GUCY1A2: variants seen among roughly 807,000 people sequenced by gnomAD.
The protein encoded by GUCY1A2 is guanylate cyclase 1 soluble subunit alpha 2.
In GUCY1A2, 27 loss-of-function variants were observed where a neutral mutation model predicts 63.5. The ratio of observed to expected loss-of-function variants is 0.43; its 90% CI spans 0.31 to 0.59. The LOEUF is 0.59. Among genes scored for constraint, GUCY1A2 ranks in the 20% least tolerant of loss-of-function variants. The pLI, the probability that GUCY1A2 is intolerant of heterozygous loss-of-function variation, is 0.11. For synonymous variants in GUCY1A2, 364 were observed against 343.5 expected (o/e 1.06, Z -0.66); for missense variants, 768 against 913.3 (o/e 0.84, Z 2.05).
chr11:106,795,515 CAT>C (rs1458185817), intron 5 of GUCY1A2, among the ~76,000 whole-genome samples: 11 of 152,190 alleles, frequency 7.2e-5, no homozygotes, highest in African/African-American at 2.4e-4. Flanking sequence ...AGACAGCTTT[CAT>C]AGACTCCAAC....
intron 4 of GUCY1A2, among the ~76,000 whole-genome samples, chr11:106,857,966 G>A (rs1160434437): frequency 1.3e-5 from 2 of 152,078 alleles, no homozygotes; most frequent in African/African-American, 4.8e-5. Context: ...AGAAGGAAAA[G>A]TACAAAAGGA....
chr11:106,884,099 T>C (rs1859864388), intron 4 of GUCY1A2, among the ~76,000 whole-genome samples: 1 of 151,934 alleles, frequency 6.6e-6, no homozygotes, highest in Non-Finnish European at 1.5e-5. Flanking sequence ...AGTTAACAGG[T>C]GCAGCACACC....
intron 4 of GUCY1A2, among the ~76,000 whole-genome samples, chr11:106,918,995 C>G (rs1157269703): frequency 1.3e-5 from 2 of 152,036 alleles, no homozygotes; most frequent in Non-Finnish European, 2.9e-5. Context: ...ATCTTTAATA[C>G]CAGACTATAA....
At chr11:106,937,002 T>C (rs1453359458) in intron 4 of GUCY1A2, among the ~76,000 whole-genome samples, 1 of 152,130 alleles carries the variant, frequency 6.6e-6, no homozygotes, top group African/African-American at 2.4e-5. Context: ...CATGTTTTAA[T>C]AAACTGTAAA....
intron 6 of GUCY1A2, among the ~76,000 whole-genome samples, chr11:106,752,786 A>T (rs1027813242): frequency 3.3e-5 from 5 of 152,096 alleles, no homozygotes; most frequent in African/African-American, 1.2e-4. Flanking sequence ...TGGTTCCAAG[A>T]CTTTGCTATT....
intron 1 of GUCY1A2, among the ~76,000 whole-genome samples, chr11:107,013,584 C>T (rs1861777758): frequency 6.6e-6 from 1 of 152,152 alleles, no homozygotes; most frequent in African/African-American, 2.4e-5. Context: ...GTCTCGCTGT[C>T]ACCCAGGGTC....
At chr11:106,850,630 G>T (rs1213590605) in intron 4 of GUCY1A2, among the ~76,000 whole-genome samples, 1 of 151,860 alleles carries the variant, frequency 6.6e-6, no homozygotes, top group South Asian at 2.1e-4. Context: ...CTGATTAGTT[G>T]TGTTTAATAT....
chr11:106,675,948 C>T lies in GUCY1A2; in HGVS notation c.*11601G>A. ...GTTAGAATTTAAGACCCCTGAGGTA[C>T]ATAACAGAAAAGTCCAAATAAGAAA... On this transcript the variant is annotated 3_prime_UTR_variant, in exon 8 of 8. Transcript: ENST00000526355. 5.3e-6 allele frequency: 1 copy of T among 189,046 alleles called. No homozygotes were observed. The highest frequency in any genetic ancestry group is 1.1e-5 in the Non-Finnish European group (1 of 90,000). 11.7% of individuals were successfully genotyped at this position (189,046 alleles called of 1,614,324 possible).
At chr11:106,761,953 T>C (rs2135392326) in intron 6 of GUCY1A2, among the ~76,000 whole-genome samples, 1 of 152,268 alleles carries the variant, frequency 6.6e-6, no homozygotes, top group East Asian at 1.9e-4. Context: ...GATGCTGCGC[T>C]GCATAGAGCA....
At chr11:106,713,624 A>G (rs1863163733) in intron 6 of GUCY1A2, among the ~76,000 whole-genome samples, 1 of 144,306 alleles carries the variant, frequency 6.9e-6, no homozygotes, top group Non-Finnish European at 1.5e-5. Flanking sequence ...CTCCTGCCTC[A>G]GCCTTCCGAG....
chr11:106,877,483 TA>T (rs1405230059), intron 4 of GUCY1A2, among the ~76,000 whole-genome samples: 1 of 151,896 alleles, frequency 6.6e-6, no homozygotes, highest in Non-Finnish European at 1.5e-5. Context: ...AGCCCAGAAA[TA>T]AGGCCATACA....
At chr11:106,709,512 T>TA (rs1160762913) in intron 6 of GUCY1A2, among the ~76,000 whole-genome samples, 1 of 53,926 alleles carries the variant, frequency 1.9e-5, no homozygotes, top group Non-Finnish European at 3.0e-5. Context: ...ATATATATTA[T>TA]TCTATAAATA....
chr11:106,740,654 G>GTATGTATGTATGTATGTATGTATA (rs1863677980), intron 6 of GUCY1A2, among the ~76,000 whole-genome samples: 2 of 91,484 alleles, frequency 2.2e-5, no homozygotes, highest in East Asian at 1.0e-3. Flanking sequence ...ATCACTGTAT[G>GTATGTATGTATGTATGTATGTATA]TATGTATGTA....
At chr11:106,986,544 C>T (rs1162033517) in intron 1 of GUCY1A2, among the ~76,000 whole-genome samples, 4 of 152,106 alleles carry the variant, frequency 2.6e-5, no homozygotes, top group African/African-American at 9.7e-5. Flanking sequence ...TCAAATGGCA[C>T]GTCTTCATAT....
chr11:106,781,784 T>C (rs1864469127), intron 5 of GUCY1A2, among the ~76,000 whole-genome samples: 1 of 151,682 alleles, frequency 6.6e-6, no homozygotes, highest in Non-Finnish European at 1.5e-5. Flanking sequence ...CCCAGGCTAG[T>C]CTCGAACTCC....
intron 7 of GUCY1A2, among the ~76,000 whole-genome samples, chr11:106,705,214 C>G (rs1416990936): frequency 6.6e-6 from 1 of 152,094 alleles, no homozygotes; most frequent in Non-Finnish European, 1.5e-5. Context: ...GAGTCATACA[C>G]TGAAATGTCA....
At chr11:106,763,697 G>GA (rs935776341) in intron 6 of GUCY1A2, among the ~76,000 whole-genome samples, 2 of 152,022 alleles carry the variant, frequency 1.3e-5, no homozygotes, top group African/African-American at 4.8e-5. Flanking sequence ...TGAGAGCCAA[G>GA]AAAAAAAGCA....
chr11:107,017,917 C>T lies in GUCY1A2; in HGVS notation c.139G>A (p.Glu47Lys). Reference sequence around the variant, plus strand: ...GCGGCAGCTGCGGCCGGGCTGGGCTCCAGCGGCCCGGGCGGGCTCCGGCTG... The same window carrying T: ...GCGGCAGCTGCGGCCGGGCTGGGCTTCAGCGGCCCGGGCGGGCTCCGGCTG... The part of the protein sequence containing the change: ...NGSRSPPGPL[E>K]PSPAAAAAAA... Residue 47 changes from glutamate (E) to lysine (K), a missense_variant, in exon 1 of 8, where the codon GAG becomes AAG. Physicochemically the swap from Glu to Lys is moderately conservative, Grantham distance 56. Coordinates refer to ENST00000526355, the MANE Select transcript of GUCY1A2 (RefSeq NM_000855.3). 1 of 1,288,060 alleles carries T rather than the reference C, an allele frequency of 7.8e-7. No individual in the cohort carries two copies. The highest frequency in any genetic ancestry group is 2.8e-5 in the South Asian group (1 of 35,116). The allele number at this position is 1,288,060 out of a possible 1,614,324, so 79.8% of individuals were successfully genotyped here.
At chr11:106,970,005 A>G (rs983451294) in intron 3 of GUCY1A2, among the ~76,000 whole-genome samples, 10 of 152,338 alleles carry the variant, frequency 6.6e-5, no homozygotes, top group East Asian at 1.9e-4. Flanking sequence ...TCTTTGAGAA[A>G]ACAAAAATAG....
Sources: allele counts gnomAD v4.1 joint callset (sites outside exome capture counted in the v4.1 genomes callset), GRCh38; gene constraint gnomAD v4.1.1; transcripts MANE v1.5; gene names NCBI Gene and HGNC (gene_info 2026-07-23, HGNC 2026-07-21).